Variants in OPRL1 observed in about 807,000 individuals in gnomAD.
OPRL1 encodes the protein nociceptin receptor.
In OPRL1, 5 loss-of-function variants were observed where a neutral mutation model predicts 15.5. The observed-to-expected ratio is 0.32, with a 90% CI of 0.17 to 0.68. The LOEUF is 0.68. OPRL1 is among the 30% of genes least tolerant of loss of function. OPRL1 has a pLI of 0.72. For synonymous variants in OPRL1, 223 were observed against 230.2 expected (o/e 0.97, Z 0.28); for missense variants, 406 against 515.3 (o/e 0.79, Z 2.05).
chr20:64,098,170 TC>T lies in OPRL1; in HGVS notation c.589+17del, dbSNP rs748126023. 5.6e-6 allele frequency: 9 copies of T among 1,608,026 alleles called. No individual in the cohort carries two copies. The highest frequency in any genetic ancestry group is 4.0e-5 in the African/African-American group (3 of 74,782). ...GTCGAGGATGAAGGTCAGTGGGGTG[TC>T]CCCTCCTCCCCTCACCAGGCTCCCT... On this transcript the variant is annotated intron_variant, in intron 4 of 4. Coordinates refer to ENST00000336866, the MANE Select transcript of OPRL1 (RefSeq NM_182647.4).
In OPRL1 at chr20:64,089,918, G is replaced by A. The variant is rs1001646325; in HGVS notation, c.-184-2048G>A. Among the ~76,000 whole-genome samples the A allele has an allele frequency of 2.0e-5, 3 of 152,190 alleles. No individual in the cohort carries two copies. The highest frequency in any genetic ancestry group is 2.9e-5 in the Non-Finnish European group (2 of 68,026). ...AGACGTTGGTGAGCCCAGCTGGGGC[G>A]GAGGGCTGCAGGAGTCCGAGCCTGC... On this transcript the variant is annotated intron_variant, in intron 1 of 4. Transcript: ENST00000336866. This position sits in a 1 kb window ranked among gnomAD's most constrained non-coding sequence, Gnocchi z 5.5.
At chr20:64,084,207 C>A in intron 1 of OPRL1, 1 of 1,420,456 alleles carries the variant, frequency 7.0e-7, no homozygotes, top group Non-Finnish European at 9.1e-7. Flanking sequence ...CCCTCCTTCG[C>A]TGGCGGCGGC....
rs4337532 is a variant in OPRL1 at position 64,083,736 on chromosome 20, G to A, written c.-185+3384G>A. 0.47 allele frequency: 632,917 copies of A among 1,344,808 alleles called. 150,533 individuals carry two copies. The highest frequency in any genetic ancestry group is 0.59 in the East Asian group (18,896 of 32,124). The allele number at this position is 1,344,808 out of a possible 1,614,324, so 83.3% of individuals were successfully genotyped here. On this transcript the variant is annotated intron_variant, in intron 1 of 4. Transcript: ENST00000336866. The surrounding 1 kb of genome is among the most constrained non-coding windows in gnomAD (Gnocchi z 4.9). ...GGGCCCGGGTAGCTGAGCGCGCGCC[G>A]AGCCCCGCCCCGCCCCGCCCCGGCC...
intron 4 of OPRL1, 46 bp downstream of exon 4, chr20:64,098,203 C>A: frequency 6.2e-7 from 1 of 1,603,890 alleles, no homozygotes; most frequent in Non-Finnish European, 8.5e-7. Context: ...CCCTGGCTCC[C>A]GGGTGGCTCC....
Position 64,087,697 on chromosome 20 carries a change from G to A in OPRL1, c.-184-4269G>A, listed in dbSNP as rs943129482. On this transcript the variant is annotated intron_variant, in intron 1 of 4. Transcript: ENST00000336866. Reference sequence around the variant, plus strand: ...GCTATCCCTAGTATCCTTGCATATTGTTTCGCCTGCCCAGAACATGTGTGT... The same window carrying A: ...GCTATCCCTAGTATCCTTGCATATTATTTCGCCTGCCCAGAACATGTGTGT... Among the ~76,000 whole-genome samples, 2 of 152,238 alleles carry A rather than the reference G, an allele frequency of 1.3e-5. 1 individual carries two copies. Among genetic ancestry groups the A allele is most frequent in the South Asian group, 4.1e-4 (2 of 4,832 alleles).
At chr20:64,092,556 C>T (rs547315058) in intron 2 of OPRL1, 132 bp from the exon 3 acceptor site, 54 of 632,370 alleles carry the variant, frequency 8.5e-5, no homozygotes, top group African/African-American at 9.2e-5. Flanking sequence ...TGTGTGTGCC[C>T]GTGTGCCTCA....
chr20:64,099,610 A>G lies in OPRL1; in HGVS notation c.*811A>G. ...CATTTCCCTTCAGGAGACCAGCGAG[A>G]GGCCCTGGCCCATTCCCTCCAGCGG... On this transcript the variant is annotated 3_prime_UTR_variant, in exon 5 of 5. Transcript: ENST00000336866. 1 of 152,750 alleles carries G rather than the reference A, an allele frequency of 6.5e-6. No individual in the cohort carries two copies. Among genetic ancestry groups the G allele is most frequent in the Non-Finnish European group, 1.5e-5 (1 of 68,406 alleles). 9.5% of individuals were successfully genotyped at this position (152,750 alleles called of 1,614,324 possible).
intron 1 of OPRL1, among the ~76,000 whole-genome samples, chr20:64,081,515 C>T (rs746179200): frequency 1.7e-4 from 26 of 152,294 alleles, no homozygotes; most frequent in Non-Finnish European, 3.1e-4. Context: ...CCCAGTCATT[C>T]CCCCGTCTCC....
At chr20:64,093,484 A>T (rs1371656588) in intron 3 of OPRL1, among the ~76,000 whole-genome samples, 1 of 33,344 alleles carries the variant, frequency 3.0e-5, no homozygotes, top group Non-Finnish European at 6.0e-5. Flanking sequence ...GTTGAGATTG[A>T]GGGGGCAGTG....
At position 64,092,884 on chromosome 20, in the gene OPRL1, T is replaced by G. The variant is rs1176056919; in HGVS notation, c.164T>G (p.Val55Gly). The change falls in exon 3 of 5, where the codon GTG becomes GGG. Residue 55 changes from valine to glycine, a missense_variant. By Grantham distance (109) the Val-to-Gly change is moderately radical (BLOSUM62 -3). Transcript: ENST00000336866. ...FLPLGLKVTIVGLYLAVCVGG... is the reference protein window; with the variant it reads ...FLPLGLKVTIGGLYLAVCVGG... The stretch of plus-strand genomic sequence containing the variant: ...CCCCTCGGGCTCAAGGTCACCATCG[T>G]GGGGCTCTACCTGGCCGTGTGTGTC... The G allele has an allele frequency of 2.5e-6, 4 of 1,612,566 alleles. No individual in the cohort carries two copies. Among genetic ancestry groups the G allele is most frequent in the Non-Finnish European group, 3.4e-6 (4 of 1,179,908 alleles).
At chr20:64,088,475 G>T (rs1295550625) in intron 1 of OPRL1, among the ~76,000 whole-genome samples, 6 of 151,146 alleles carry the variant, frequency 4.0e-5, no homozygotes, top group Admixed American at 2.6e-4. Flanking sequence ...AGGGAGGGCA[G>T]GATCTGTACA....
intron 1 of OPRL1, among the ~76,000 whole-genome samples, chr20:64,088,716 TGGCCAGGATCTGTGCAAGG>T (rs2060084375): frequency 7.5e-5 from 1 of 13,338 alleles, no homozygotes; most frequent in African/African-American, 2.4e-4. Flanking sequence ...CTGTGCAGAG[TGGCCAGGATCTGTGCAAGG>T]GGTAGGATCT....
Position 64,083,914 on chromosome 20 carries a change from C to T in OPRL1, c.-185+3562C>T, listed in dbSNP as rs532442708. The T allele has an allele frequency of 6.9e-7, 1 of 1,448,954 alleles. No individual in the cohort carries two copies. Among genetic ancestry groups the T allele is most frequent in the East Asian group, 3.0e-5 (1 of 32,926 alleles). The allele number at this position is 1,448,954 out of a possible 1,614,324, so 89.8% of individuals were successfully genotyped here. On this transcript the variant is annotated intron_variant, in intron 1 of 4. Coordinates refer to ENST00000336866, the MANE Select transcript of OPRL1 (RefSeq NM_182647.4). The surrounding 1 kb of genome is among the most constrained non-coding windows in gnomAD (Gnocchi z 4.9). ...GGAGCCGGTTCTGGCGCTCGGCGGGCAGCTCGAGCGACTGCGTCCACGGGC... is the reference window on the plus strand; with the variant it reads ...GGAGCCGGTTCTGGCGCTCGGCGGGTAGCTCGAGCGACTGCGTCCACGGGC...
rs879507968 is a variant in OPRL1 at position 64,083,826 on chromosome 20, G to A, written c.-185+3474G>A. 19 of 1,366,828 alleles carry A rather than the reference G, an allele frequency of 1.4e-5. No homozygotes were observed. The highest frequency in any genetic ancestry group is 4.6e-5 in the African/African-American group (3 of 65,238). The allele number at this position is 1,366,828 out of a possible 1,614,324, so 84.7% of individuals were successfully genotyped here. Reference sequence around the variant, plus strand: ...CGACCCCCTCGCCTCACCCGCATGCGGGTGTAGCGCAGCCGCAGGGCGCGG... The same window carrying A: ...CGACCCCCTCGCCTCACCCGCATGCAGGTGTAGCGCAGCCGCAGGGCGCGG... On this transcript the variant is annotated intron_variant, in intron 1 of 4. Coordinates refer to ENST00000336866, the MANE Select transcript of OPRL1 (RefSeq NM_182647.4). This position sits in a 1 kb window ranked among gnomAD's most constrained non-coding sequence, Gnocchi z 4.9.
In OPRL1 at chr20:64,080,138, G is replaced by C. The variant is rs2059950823; in HGVS notation, c.-399G>C. On this transcript the variant is annotated 5_prime_UTR_variant, in exon 1 of 5. Transcript: ENST00000336866. ...TCGCCTGGGGGTGGCCCGGAGAGTC[G>C]AGGTGCTCATAGTGGAGCCCTGGCT... The C allele has an allele frequency of 6.6e-6, 1 of 151,942 alleles. No individual in the cohort carries two copies. The highest frequency in any genetic ancestry group is 2.4e-5 in the African/African-American group (1 of 41,508). The allele number at this position is 151,942 out of a possible 1,614,324, so 9.4% of individuals were successfully genotyped here.
chr20:64,099,018 GC>G lies in OPRL1; in HGVS notation c.*223del. On this transcript the variant is annotated 3_prime_UTR_variant, in exon 5 of 5. Transcript: ENST00000336866. ...TCAAAGCATTAGGGCCACCTCCATG[GC>G]CCCAGACAGACTAAAGCTGCCCTCC... 1 of 626,782 alleles carries G rather than the reference GC, an allele frequency of 1.6e-6. No individual in the cohort carries two copies. Among genetic ancestry groups the G allele is most frequent in the Non-Finnish European group, 2.7e-6 (1 of 375,590 alleles). The allele number at this position is 626,782 out of a possible 1,614,324, so 38.8% of individuals were successfully genotyped here. A position where few individuals can be genotyped will look rare whatever the true frequency, so the allele number is the denominator to read the frequency against.
At chr20:64,088,738 T>TCTGTGCAGAGTGGCC (rs1569271930) in intron 1 of OPRL1, among the ~76,000 whole-genome samples, 97 of 8,638 alleles carry the variant, frequency 0.011, 22 homozygotes, top group Non-Finnish European at 0.014. Flanking sequence ...GTGCAAGGGG[T>TCTGTGCAGAGTGGCC]AGGATCTGTG....
At chr20:64,092,259 G>A (rs1284701606) in intron 2 of OPRL1, 143 bp downstream of exon 2, 1 of 168,564 alleles carries the variant, frequency 5.9e-6, no homozygotes, top group Non-Finnish European at 1.3e-5. Context: ...GCGTGTGCGT[G>A]AGGGCAGGTT....
rs1168699476 is a variant in OPRL1 at position 64,100,216 on chromosome 20, A to C, written c.*1417A>C. On this transcript the variant is annotated 3_prime_UTR_variant, in exon 5 of 5. Transcript: ENST00000336866. Reference sequence around the variant, plus strand: ...TGCAGGTTGGTGACTTTGCAAATGCACTTCCTACAGATGAACTATTAAAAG... The same window carrying C: ...TGCAGGTTGGTGACTTTGCAAATGCCCTTCCTACAGATGAACTATTAAAAG... The C allele has an allele frequency of 1.3e-5, 2 of 152,212 alleles. No individual in the cohort carries two copies. Among genetic ancestry groups the C allele is most frequent in the South Asian group, 2.1e-4 (1 of 4,834 alleles). 9.4% of individuals were successfully genotyped at this position (152,212 alleles called of 1,614,324 possible). A position where few individuals can be genotyped will look rare whatever the true frequency, so the allele number is the denominator to read the frequency against.
Sources: allele counts gnomAD v4.1 joint callset (sites outside exome capture counted in the v4.1 genomes callset), GRCh38; gene constraint gnomAD v4.1.1; non-coding constraint Gnocchi (gnomAD v3.1); transcripts MANE v1.5; gene names NCBI Gene and HGNC (gene_info 2026-07-23, HGNC 2026-07-21).